ABCC5: variants seen among roughly 807,000 people sequenced by gnomAD.
ABCC5 encodes the protein ATP-binding cassette sub-family C member 5.
A neutral mutation model predicts 160.9 loss-of-function variants in ABCC5; 61 were observed. That is an observed-to-expected ratio of 0.38 (90% CI 0.31 to 0.47). The LOEUF (loss-of-function observed/expected upper bound fraction) is 0.47. Among genes scored for constraint, ABCC5 ranks in the 20% least tolerant of loss-of-function variants. The pLI is 0.99. For synonymous variants in ABCC5, 666 were observed against 700.6 expected (o/e 0.95, Z 0.78); for missense variants, 1,308 against 1,813.3 (o/e 0.72, Z 5.06).
chr3:183,955,008 A>G (rs540147229), intron 17 of ABCC5, among the ~76,000 whole-genome samples: 8 of 152,210 alleles, frequency 5.3e-5, no homozygotes, highest in African/African-American at 1.7e-4. Flanking sequence ...CTGCCTGAAG[A>G]GTTGAAATTA....
intron 24 of ABCC5, among the ~76,000 whole-genome samples, chr3:183,945,416 G>A (rs1289729214): frequency 6.6e-6 from 1 of 152,166 alleles, no homozygotes; most frequent in Non-Finnish European, 1.5e-5. Context: ...ATAGAAGCCT[G>A]GGTCCCACCC....
intron 29 of ABCC5, 88 bp downstream of exon 29, chr3:183,925,467 C>G: frequency 7.0e-7 from 1 of 1,428,132 alleles, no homozygotes. Context: ...ATGCCCAGAA[C>G]CCTACAAAGA....
chr3:183,922,094 G>C (rs1484577759), intron 29 of ABCC5, among the ~76,000 whole-genome samples: 1 of 151,674 alleles, frequency 6.6e-6, no homozygotes, highest in Non-Finnish European at 1.5e-5. Flanking sequence ...ACAACAGGCT[G>C]GGTGCGGTGG....
At chr3:184,011,091 T>C (rs749228374) in intron 2 of ABCC5, among the ~76,000 whole-genome samples, 1 of 152,172 alleles carries the variant, frequency 6.6e-6, no homozygotes, top group African/African-American at 2.4e-5. Flanking sequence ...TGTCCACGAA[T>C]AGGTTTAAAT....
At chr3:183,977,755 A>C (rs894304042) in intron 9 of ABCC5, 131 bp from the exon 10 acceptor site, 3 of 626,092 alleles carry the variant, frequency 4.8e-6, no homozygotes, top group African/African-American at 1.9e-5. Flanking sequence ...CAAGTCAATT[A>C]CATTTTTTTT....
In ABCC5 at chr3:183,967,709, C is replaced by T. The variant is rs761129944; in HGVS notation, c.1819G>A (p.Ala607Thr). The T allele has an allele frequency of 1.2e-6, 2 of 1,613,730 alleles. No homozygotes were observed. The highest frequency in any genetic ancestry group is 1.7e-6 in the Non-Finnish European group (2 of 1,179,676). The change falls in exon 12 of 30, where the codon GCC (alanine) becomes ACC (threonine). Residue 607 changes from alanine to threonine, a missense_variant. By Grantham distance (58) the Ala-to-Thr change is moderately conservative. This residue lies in a region of ABCC5 where 1,142 missense variants were observed against 1,527.1 expected (regional missense o/e 0.75). Coordinates refer to ENST00000334444, the MANE Select transcript of ABCC5 (RefSeq NM_005688.4). ...VGSGKTSLIS[A>T]ILGQMTLLEG... ...AAAAATCTTACCTGGCCTAAAATGG[C>T]TGAAATGAGAGAGGTTTTTCCACTT... is the stretch of plus-strand genomic sequence containing the variant.
chr3:184,013,353 T>TC (rs1381559702), intron 2 of ABCC5, among the ~76,000 whole-genome samples: 1 of 152,100 alleles, frequency 6.6e-6, no homozygotes, highest in Non-Finnish European at 1.5e-5. Context: ...CCTCCTGGAT[T>TC]CAAGCAATTC....
chr3:183,995,961 C>G (rs1399613008), intron 2 of ABCC5, among the ~76,000 whole-genome samples: 1 of 152,094 alleles, frequency 6.6e-6, no homozygotes, highest in Non-Finnish European at 1.5e-5. Context: ...GCACCCGCCA[C>G]CACGCCCGGC....
Position 183,952,303 on chromosome 3 carries a change from T to C in ABCC5, c.2668-300A>G, listed in dbSNP as rs199664119. Among the ~76,000 whole-genome samples the C allele has an allele frequency of 5.3e-5, 8 of 152,236 alleles. No homozygotes were observed. In the East Asian group the frequency reaches 1.4e-3, roughly 26 times the overall value. ...GTGGGATTACAGGTGTGCACCACCA[T>C]GCCCAGCTAATTTTTGTATTTTTAG... is the stretch of plus-strand genomic sequence containing the variant. On this transcript the variant is annotated intron_variant, in intron 18 of 29. Transcript: ENST00000334444.
At chr3:183,976,680 C>A (rs1027055001) in intron 10 of ABCC5, among the ~76,000 whole-genome samples, 2 of 152,138 alleles carry the variant, frequency 1.3e-5, no homozygotes, top group African/African-American at 4.8e-5. Flanking sequence ...TTCTCCTGAA[C>A]CTCCAAGATG....
At chr3:183,928,573 G>A (rs1367182799) in intron 27 of ABCC5, among the ~76,000 whole-genome samples, 174 bp downstream of exon 27, 1 of 152,210 alleles carries the variant, frequency 6.6e-6, no homozygotes, top group Non-Finnish European at 1.5e-5. Flanking sequence ...GGGCGGTGGG[G>A]TTGAGAGGGA....
chr3:183,980,693 C>A (rs904868509), intron 8 of ABCC5, among the ~76,000 whole-genome samples: 1 of 151,300 alleles, frequency 6.6e-6, no homozygotes, highest in African/African-American at 2.4e-5. Context: ...ACAACAGCTG[C>A]CTTGCTCTGA....
chr3:183,952,415 G>A (rs2108798789), intron 18 of ABCC5, among the ~76,000 whole-genome samples: 1 of 152,230 alleles, frequency 6.6e-6, no homozygotes, highest in African/African-American at 2.4e-5. Flanking sequence ...TCAAAGTGCT[G>A]GGATTACAGG....
intron 11 of ABCC5, among the ~76,000 whole-genome samples, chr3:183,969,641 G>A (rs7636305): frequency 0.2 from 30,175 of 149,388 alleles, 3,143 homozygotes; most frequent in East Asian, 0.43. Flanking sequence ...GCAGTGAGCC[G>A]AGATCGTGCT....
chr3:183,938,764 C>T (rs1304609615), intron 25 of ABCC5, among the ~76,000 whole-genome samples: 1 of 152,172 alleles, frequency 6.6e-6, no homozygotes, highest in Non-Finnish European at 1.5e-5. Flanking sequence ...TCCCTACCCC[C>T]TTATTAGGGC....
At chr3:183,978,314 A>T (rs1560026323) in intron 9 of ABCC5, among the ~76,000 whole-genome samples, 189 bp downstream of exon 9, 1 of 150,978 alleles carries the variant, frequency 6.6e-6, no homozygotes, top group Non-Finnish European at 1.5e-5. Flanking sequence ...CATATGTGGT[A>T]TTTTTTTTTT....
At chr3:183,925,103 A>G (rs1712401094) in intron 29 of ABCC5, among the ~76,000 whole-genome samples, 1 of 152,234 alleles carries the variant, frequency 6.6e-6, no homozygotes, top group African/African-American at 2.4e-5. Context: ...GTGATTGCAA[A>G]AAAGCAAACA....
At chr3:183,969,545 A>AGCCAG (rs1465471765) in intron 11 of ABCC5, among the ~76,000 whole-genome samples, 1 of 152,092 alleles carries the variant, frequency 6.6e-6, no homozygotes. Context: ...TACAAAAATT[A>AGCCAG]GCCAGGCACA....
chr3:184,003,709 A>G (rs1317133989), intron 2 of ABCC5, among the ~76,000 whole-genome samples: 1 of 152,220 alleles, frequency 6.6e-6, no homozygotes, highest in African/African-American at 2.4e-5. Flanking sequence ...TAAAACAGGT[A>G]TTTGTCTGCA....
Sources: gnomAD v4.1 joint callset for allele counts (sites outside exome capture counted in the v4.1 genomes callset) on GRCh38, gnomAD v4.1.1 for gene constraint, gnomAD v4.1.1 regional missense constraint, MANE v1.5 for transcripts, NCBI Gene and HGNC (gene_info 2026-07-23, HGNC 2026-07-21) for gene names.